MARCHF3: variants seen among roughly 807,000 people sequenced by gnomAD.
MARCHF3 encodes the protein membrane associated ring-CH-type finger 3.
MARCHF3 carries 13 observed loss-of-function variants against 24.2 expected under a neutral mutation model. That is an observed-to-expected ratio of 0.54 (90% CI 0.35 to 0.85). MARCHF3 has a LOEUF of 0.85. Among genes scored for constraint, MARCHF3 ranks in the 40% least tolerant of loss-of-function variants. The pLI, the probability that MARCHF3 is intolerant of heterozygous loss-of-function variation, is 0.01. For missense variants in MARCHF3, 276 were observed against 325.0 expected, an observed-to-expected ratio of 0.85 and a Z score of 1.16; for synonymous variants, 144 against 137.3, an observed-to-expected ratio of 1.05 and a Z score of -0.34.
At chr5:127,013,503 C>G (rs992620385) in intron 1 of MARCHF3, among the ~76,000 whole-genome samples, 1 of 152,078 alleles carries the variant, frequency 6.6e-6, no homozygotes, top group African/African-American at 2.4e-5. Flanking sequence ...CACCTGGATC[C>G]TGATGAGTTC....
chr5:126,948,674 C>G (rs1478383279), intron 1 of MARCHF3, among the ~76,000 whole-genome samples: 2 of 152,188 alleles, frequency 1.3e-5, no homozygotes, highest in African/African-American at 4.8e-5. Context: ...TTCATCACAT[C>G]TGCGTCACCT....
rs199872498 is a variant in MARCHF3 at position 126,970,474 on chromosome 5, C to T, written c.-56-52247G>A. On this transcript the variant is annotated intron_variant, in intron 1 of 4. Coordinates refer to ENST00000308660, the MANE Select transcript of MARCHF3 (RefSeq NM_178450.5). The stretch of plus-strand genomic sequence containing the variant: ...TAGCATGGATTAAATTACTTTTTTT[C>T]TTTTTTTTTTTTCTTTTGGTATTTG... Among the ~76,000 whole-genome samples, 1,212 of 145,228 alleles carry T rather than the reference C, an allele frequency of 8.3e-3. 17 individuals carry two copies. Among genetic ancestry groups the T allele is most frequent in the East Asian group, 0.024 (118 of 5,008 alleles).
At position 126,918,219 on chromosome 5, in the gene MARCHF3, G is replaced by C. The variant is rs1561426705; in HGVS notation, c.-48C>G. Reference sequence around the variant, plus strand: ...GCTAATGGCTTCCACATTCATACAGGATTTCCATCTAAGAGAGATCAGAAA... The same window carrying C: ...GCTAATGGCTTCCACATTCATACAGCATTTCCATCTAAGAGAGATCAGAAA... On this transcript the variant is annotated 5_prime_UTR_variant, in exon 2 of 5. In the 5' UTR this introduces an upstream ATG that the reference lacks. Coordinates refer to ENST00000308660, the MANE Select transcript of MARCHF3 (RefSeq NM_178450.5). 2.5e-6 allele frequency: 4 copies of C among 1,571,004 alleles called. No homozygotes were observed. Among genetic ancestry groups the C allele is most frequent in the Non-Finnish European group, 2.6e-6 (3 of 1,157,744 alleles).
At position 127,012,671 on chromosome 5, in the gene MARCHF3, G is replaced by A. The variant is rs73786301; in HGVS notation, c.-57+17679C>T. ...AAAACTAAAAGCTCACTGAAAAACA[G>A]TACACAATAAGATTGCAAATACCTA... is the stretch of plus-strand genomic sequence containing the variant. On this transcript the variant is annotated intron_variant, in intron 1 of 4. Transcript: ENST00000308660. Among the ~76,000 whole-genome samples, 1,270 of 152,268 alleles carry A rather than the reference G, an allele frequency of 8.3e-3. 17 individuals carry two copies. Among genetic ancestry groups the A allele is most frequent in the East Asian group, 0.025 (132 of 5,182 alleles).
chr5:126,891,337 G>T (rs1451303532), intron 3 of MARCHF3, among the ~76,000 whole-genome samples: 2 of 129,674 alleles, frequency 1.5e-5, no homozygotes, highest in Non-Finnish European at 3.2e-5. Flanking sequence ...CATTGCTTTT[G>T]GTGTTTTAGA....
chr5:127,027,990 T>G (rs1416437954), intron 1 of MARCHF3, among the ~76,000 whole-genome samples: 1 of 152,220 alleles, frequency 6.6e-6, no homozygotes, highest in Non-Finnish European at 1.5e-5. Context: ...GCCTAGTTAA[T>G]TTGGATGATT....
intron 1 of MARCHF3, among the ~76,000 whole-genome samples, chr5:126,975,938 C>T (rs533933192): frequency 1.3e-5 from 2 of 152,312 alleles, no homozygotes; most frequent in South Asian, 4.1e-4. Context: ...TAGGCCTGTG[C>T]CAATGCCTCT....
chr5:127,003,428 ACT>A (rs1752202356), intron 1 of MARCHF3, among the ~76,000 whole-genome samples: 3 of 149,604 alleles, frequency 2.0e-5, no homozygotes, highest in Admixed American at 6.6e-5. Context: ...AGATCGCGCC[ACT>A]GCACTCCAGC....
intron 4 of MARCHF3, among the ~76,000 whole-genome samples, chr5:126,873,170 G>A (rs913404326): frequency 1.3e-5 from 2 of 152,250 alleles, no homozygotes; most frequent in East Asian, 1.9e-4. Context: ...CCAGGCACAC[G>A]GGCCTGCAAT....
intron 3 of MARCHF3, among the ~76,000 whole-genome samples, chr5:126,907,439 A>T (rs1232679372): frequency 6.2e-5 from 9 of 144,210 alleles, no homozygotes; most frequent in Admixed American, 1.4e-4. Flanking sequence ...CCCATTATTA[A>T]TGTGTGGGAG....
chr5:126,878,108 A>G, intron 4 of MARCHF3, 77 bp downstream of exon 4: 1 of 1,434,066 alleles, frequency 7.0e-7, no homozygotes, highest in Non-Finnish European at 9.7e-7. Context: ...TGTGTTACAG[A>G]CAAGAGGAAA....
chr5:126,960,293 C>T (rs952308972), intron 1 of MARCHF3, among the ~76,000 whole-genome samples: 7 of 152,136 alleles, frequency 4.6e-5, no homozygotes, highest in Non-Finnish European at 4.4e-5. Flanking sequence ...TCAGTTGACA[C>T]ATGATTTACT....
At chr5:126,981,311 T>C (rs1751387059) in intron 1 of MARCHF3, among the ~76,000 whole-genome samples, 1 of 152,176 alleles carries the variant, frequency 6.6e-6, no homozygotes. Context: ...AGCAAGGCTG[T>C]GCAAAACATC....
intron 1 of MARCHF3, among the ~76,000 whole-genome samples, chr5:126,997,300 G>A (rs924715748): frequency 2.0e-5 from 3 of 152,198 alleles, no homozygotes; most frequent in Admixed American, 1.3e-4. Flanking sequence ...GTGAATGCAT[G>A]GGAAAGCCAG....
At chr5:126,914,579 G>C in intron 3 of MARCHF3, 1 of 371,256 alleles carries the variant, frequency 2.7e-6, no homozygotes, top group East Asian at 4.4e-5. Context: ...TGGGCAGATG[G>C]TGCGCAAGGA....
At chr5:126,930,033 T>C (rs1471000300) in intron 1 of MARCHF3, among the ~76,000 whole-genome samples, 1 of 152,164 alleles carries the variant, frequency 6.6e-6, no homozygotes, top group Admixed American at 6.5e-5. Flanking sequence ...AGGTATGTCT[T>C]TATTAGCAGC....
intron 4 of MARCHF3, among the ~76,000 whole-genome samples, chr5:126,876,198 T>C (rs1753150643): frequency 6.6e-6 from 1 of 152,216 alleles, no homozygotes; most frequent in African/African-American, 2.4e-5. Context: ...CCTATCACCC[T>C]GTTTCTTTCT....
intron 1 of MARCHF3, among the ~76,000 whole-genome samples, chr5:126,994,055 A>T (rs1751866567): frequency 6.6e-6 from 1 of 152,228 alleles, no homozygotes; most frequent in Non-Finnish European, 1.5e-5. Flanking sequence ...TACATACAAA[A>T]AATGGTATAC....
intron 1 of MARCHF3, among the ~76,000 whole-genome samples, chr5:127,013,502 C>A (rs1169959135): frequency 6.6e-6 from 1 of 152,066 alleles, no homozygotes; most frequent in Non-Finnish European, 1.5e-5. Context: ...TCACCTGGAT[C>A]CTGATGAGTT....
Sources: allele counts gnomAD v4.1 joint callset (sites outside exome capture counted in the v4.1 genomes callset), GRCh38; gene constraint gnomAD v4.1.1; transcripts MANE v1.5; gene names NCBI Gene and HGNC (gene_info 2026-07-23, HGNC 2026-07-21).